Variants in PIK3C2G observed in about 807,000 individuals in gnomAD.
The protein encoded by PIK3C2G is phosphatidylinositol 3-kinase C2 domain-containing subunit gamma.
In PIK3C2G, 168 loss-of-function variants were observed where a neutral mutation model predicts 181.1. That is an observed-to-expected ratio of 0.93 (90% CI 0.82 to 1.05). The LOEUF (loss-of-function observed/expected upper bound fraction) is 1.05. PIK3C2G is among the 50% of genes least tolerant of loss of function. PIK3C2G has a pLI of 0.00. For missense variants in PIK3C2G, 1,869 were observed against 1,732.8 expected (o/e 1.08, Z -1.40); for synonymous variants, 573 against 592.2 (o/e 0.97, Z 0.47).
At chr12:18,333,912 C>A (rs1938238411) in intron 8 of PIK3C2G, among the ~76,000 whole-genome samples, 1 of 152,092 alleles carries the variant, frequency 6.6e-6, no homozygotes, top group Non-Finnish European at 1.5e-5. Context: ...GAATAATCAA[C>A]CACTTATGCC....
rs76662410 is a variant in PIK3C2G at position 18,571,784 on chromosome 12, T to C, written c.4011+4727T>C. Among the ~76,000 whole-genome samples, 919 of 150,888 alleles carry C rather than the reference T, an allele frequency of 6.1e-3. 87 individuals are homozygous for C. Among genetic ancestry groups the C allele is most frequent in the African/African-American group, 0.022 (880 of 40,484 alleles). On this transcript the variant is annotated intron_variant, in intron 29 of 32. Transcript: ENST00000538779. Reference sequence around the variant, plus strand: ...TATAAGCAACACACAGATGGGTTTTTTTCTAAATCCAGTAACATAATTTTC... The same window carrying C: ...TATAAGCAACACACAGATGGGTTTTCTTCTAAATCCAGTAACATAATTTTC...
chr12:18,536,544 C>G (rs1174006670), intron 24 of PIK3C2G, among the ~76,000 whole-genome samples: 1 of 152,068 alleles, frequency 6.6e-6, no homozygotes, highest in Non-Finnish European at 1.5e-5. Context: ...CTGCAAAAGC[C>G]TCTCTCTAAT....
At chr12:18,500,246 G>C (rs893239412) in intron 22 of PIK3C2G, among the ~76,000 whole-genome samples, 3 of 151,848 alleles carry the variant, frequency 2.0e-5, no homozygotes, top group Admixed American at 1.3e-4. Context: ...CGGAGCGGCC[G>C]GCCGGCCCTG....
At chr12:18,440,923 CAT>C (rs897610627) in intron 18 of PIK3C2G, among the ~76,000 whole-genome samples, 6 of 151,972 alleles carry the variant, frequency 3.9e-5, no homozygotes, top group Non-Finnish European at 8.8e-5. Context: ...AAATTATCAA[CAT>C]ATACGTAAGG....
intron 30 of PIK3C2G, among the ~76,000 whole-genome samples, chr12:18,597,661 G>A (rs1294669204): frequency 6.6e-6 from 1 of 152,026 alleles, no homozygotes; most frequent in Non-Finnish European, 1.5e-5. Flanking sequence ...AATTAGACAG[G>A]AGAAGGAAAT....
chr12:18,708,664 C>T, the PIK3C2G span, among the ~76,000 whole-genome samples: 1 of 152,086 alleles, frequency 6.6e-6, no homozygotes, highest in Admixed American at 6.5e-5. Flanking sequence ...CCCTCGCCAA[C>T]ATTTGTTATC....
rs758726931 is a variant in PIK3C2G, at chr12:18,282,696, G to T, written c.615G>T (p.Leu205Phe). Residue 205 changes from leucine (L) to phenylalanine (F), a missense_variant, in exon 2 of 33, where the codon TTG becomes TTT. Leu to Phe is a conservative substitution (Grantham distance 22). Transcript: ENST00000538779. Reference sequence around the variant, plus strand: ...ATGTGAACATTGTGGAACCATCTTTGATGCTTTTGAAAGGCTCTCTTCAAC... The same window carrying T: ...ATGTGAACATTGTGGAACCATCTTTTATGCTTTTGAAAGGCTCTCTTCAAC... ...SGHVNIVEPSLMLLKGSLQPG... is the reference protein window; with the variant it reads ...SGHVNIVEPSFMLLKGSLQPG... The T allele has an allele frequency of 6.2e-7, 1 of 1,613,194 alleles. No individual in the cohort carries two copies. Among genetic ancestry groups the T allele is most frequent in the Non-Finnish European group, 8.5e-7 (1 of 1,179,558 alleles).
At chr12:18,589,545 A>G (rs1946964451) in intron 29 of PIK3C2G, among the ~76,000 whole-genome samples, 1 of 152,008 alleles carries the variant, frequency 6.6e-6, no homozygotes, top group Admixed American at 6.6e-5. Context: ...GTCAGTAGAC[A>G]TGCTATTCAA....
upstream of PIK3C2G, among the ~76,000 whole-genome samples, chr12:18,260,943 G>T (rs1948215651): frequency 6.6e-6 from 1 of 151,862 alleles, no homozygotes; most frequent in African/African-American, 2.4e-5. Context: ...GTTTTATTTT[G>T]CTGTTCCTTT....
intron 26 of PIK3C2G, among the ~76,000 whole-genome samples, chr12:18,553,105 C>A (rs534079320): frequency 6.6e-6 from 1 of 152,176 alleles, no homozygotes; most frequent in East Asian, 1.9e-4. Context: ...TCTGACCCTA[C>A]GCATTGCATA....
intron 16 of PIK3C2G, among the ~76,000 whole-genome samples, chr12:18,420,017 A>G (rs1945390296): frequency 1.3e-5 from 2 of 152,166 alleles, no homozygotes; most frequent in South Asian, 4.1e-4. Context: ...GTTGTCTACA[A>G]AATTAATTTC....
chr12:18,672,306 T>C, the PIK3C2G span, among the ~76,000 whole-genome samples: 1 of 152,272 alleles, frequency 6.6e-6, no homozygotes, highest in Admixed American at 6.5e-5. Flanking sequence ...TCAGTCGTCA[T>C]TGCTCATCTA....
At chr12:18,254,842 ACT>A (rs1466895001) in intron 1 of PIK3C2G, among the ~76,000 whole-genome samples, 1 of 151,504 alleles carries the variant, frequency 6.6e-6, no homozygotes, top group Non-Finnish European at 1.5e-5. Context: ...ACAGAGTGAG[ACT>A]CTGTCTCAAA....
rs761938465 is a variant in PIK3C2G at position 18,346,762 on chromosome 12, A to G, written c.1551A>G (p.Leu517=). 7 of 1,613,648 alleles carry G rather than the reference A, an allele frequency of 4.3e-6. No homozygotes were observed. Among genetic ancestry groups the G allele is most frequent in the Non-Finnish European group, 5.9e-6 (7 of 1,179,688 alleles). The change falls in exon 11 of 33, where the codon CTA becomes CTG. Residue 517 remains leucine, a synonymous_variant. Transcript: ENST00000538779. ...ATGTACCTAGATGCACTTCCTATCT[A>G]AATCCCGGGCTTCCTTCCCACCTCA... ...PVNVPRCTSY[L]NPGLPSHLSF...
the PIK3C2G span, among the ~76,000 whole-genome samples, chr12:18,674,006 A>G: frequency 0.035 from 5,356 of 152,308 alleles, 314 homozygotes; most frequent in African/African-American, 0.12. Flanking sequence ...ATAAAAGCAG[A>G]TTGTTTAAAG....
chr12:18,397,341 C>A (rs927194153), intron 15 of PIK3C2G, among the ~76,000 whole-genome samples: 7 of 151,806 alleles, frequency 4.6e-5, no homozygotes, highest in Non-Finnish European at 1.0e-4. Flanking sequence ...CATGAAAAGA[C>A]CCCATTAAAG....
chr12:18,364,652 C>A (rs2137819895), intron 12 of PIK3C2G, among the ~76,000 whole-genome samples: 1 of 152,228 alleles, frequency 6.6e-6, no homozygotes, highest in South Asian at 2.1e-4. Context: ...AATCCCAACA[C>A]TTCAGGAGGC....
intron 31 of PIK3C2G, among the ~76,000 whole-genome samples, chr12:18,630,036 A>G (rs973556397): frequency 1.3e-5 from 2 of 152,136 alleles, no homozygotes; most frequent in African/African-American, 4.8e-5. Flanking sequence ...TCCACCCTCT[A>G]CCAAGCACTG....
At chr12:18,567,755 T>C (rs974121853) in intron 29 of PIK3C2G, among the ~76,000 whole-genome samples, 3 of 152,074 alleles carry the variant, frequency 2.0e-5, no homozygotes, top group Non-Finnish European at 4.4e-5. Flanking sequence ...AAAGAAATAG[T>C]ATTCTTAAAA....
Sources: allele counts gnomAD v4.1 joint callset (sites outside exome capture counted in the v4.1 genomes callset), GRCh38; gene constraint gnomAD v4.1.1; transcripts MANE v1.5; gene names NCBI Gene and HGNC (gene_info 2026-07-23, HGNC 2026-07-21).